Variants in PTCHD1 observed in about 807,000 individuals in gnomAD.
The protein encoded by PTCHD1 is patched domain-containing protein 1.
A neutral mutation model predicts 34.6 loss-of-function variants in PTCHD1; 3 were observed. The ratio of observed to expected loss-of-function variants is 0.09; its 90% confidence interval spans 0.04 to 0.22. PTCHD1 has a LOEUF of 0.22. Ranked by LOEUF, PTCHD1 falls within the 10% of genes least tolerant of loss-of-function variation. PTCHD1 has a pLI of 1.00. For missense variants in PTCHD1, 504 were observed against 685.5 expected (o/e 0.74, Z 2.96); for synonymous variants, 305 against 283.1 (o/e 1.08, Z -0.77).
intron 1 of PTCHD1, among the ~76,000 whole-genome samples, chrX:23,367,474 C>T (rs1922177049): frequency 8.9e-6 from 1 of 111,909 alleles, no homozygotes; most frequent in Non-Finnish European, 1.9e-5. Flanking sequence ...CATATCACTT[C>T]CAAAAGCCAC....
intron 2 of PTCHD1, among the ~76,000 whole-genome samples, chrX:23,385,471 G>A (rs12011888): frequency 0.07 from 7,745 of 110,641 alleles, 670 homozygotes; most frequent in African/African-American, 0.24. Context: ...AGGGAATGAG[G>A]GAGTGACAGA....
chrX:23,345,390 C>A (rs4828986), intron 1 of PTCHD1, among the ~76,000 whole-genome samples: 26,892 of 111,275 alleles, frequency 0.24, 2,749 homozygotes, highest in East Asian at 0.54. Flanking sequence ...TCCAGCAAGC[C>A]CCCAGGGATA....
In PTCHD1 at chrX:23,380,282, G is replaced by T. The variant is rs756967668; in HGVS notation, c.1012+31G>T. On this transcript the variant is annotated intron_variant, in intron 2 of 2. Transcript: ENST00000379361. ...TACTACTCTTCTTTCTTCTGTTTCC[G>T]CCTGCTGGTGGTGTTGACTAGGTTC... 9 of 1,169,372 alleles carry T rather than the reference G, an allele frequency of 7.7e-6. No homozygotes were observed. In the East Asian group the frequency reaches 2.7e-4, roughly 35 times the overall value.
chrX:23,379,562 A>G (rs1190424337), intron 1 of PTCHD1, 29 bp from the exon 2 acceptor site: 6 of 1,203,580 alleles, frequency 5.0e-6, no homozygotes, highest in Non-Finnish European at 6.8e-6. Flanking sequence ...TATTTGATTA[A>G]TAAATGCTGT....
chrX:23,368,098 T>A (rs1423269785), intron 1 of PTCHD1, among the ~76,000 whole-genome samples: 2 of 108,916 alleles, frequency 1.8e-5, no homozygotes, highest in African/African-American at 6.8e-5. Context: ...ATAGAAATTC[T>A]TACAATAGTC....
intron 1 of PTCHD1, among the ~76,000 whole-genome samples, chrX:23,368,687 C>A (rs900159467): frequency 6.2e-5 from 7 of 112,027 alleles, no homozygotes; most frequent in African/African-American, 2.3e-4. Flanking sequence ...ACCGCAAGCC[C>A]CTTTATACAA....
chrX:23,377,792 C>G (rs1476551962), intron 1 of PTCHD1, among the ~76,000 whole-genome samples: 16 of 111,238 alleles, frequency 1.4e-4, no homozygotes, highest in Non-Finnish European at 3.0e-4. Context: ...AGCTAGTGCC[C>G]CTCAGACATT....
rs1923017407 is a variant in PTCHD1 at position 23,397,439 on chromosome X, G to T, written c.*3254G>T. On this transcript the variant is annotated 3_prime_UTR_variant, in exon 3 of 3. Transcript: ENST00000379361. Reference sequence around the variant, plus strand: ...CAGAGAAAAAGGAAGACAAACCCTCGTGAAATGTTTCTCCATTGTTCCAGC... The same window carrying T: ...CAGAGAAAAAGGAAGACAAACCCTCTTGAAATGTTTCTCCATTGTTCCAGC... 1 of 112,361 alleles carries T rather than the reference G, an allele frequency of 8.9e-6. No individual in the cohort carries two copies. Among genetic ancestry groups the T allele is most frequent in the South Asian group, 3.7e-4 (1 of 2,724 alleles). 9.3% of individuals were successfully genotyped at this position (112,361 alleles called of 1,213,427 possible). A position where few individuals can be genotyped will look rare whatever the true frequency, so the allele number is the denominator to read the frequency against.
rs1384545193 is a variant in PTCHD1 at position 23,335,214 on chromosome X, C to T, written c.339C>T (p.Asp113=). ...ACATGCTGGACCAGCATCACACCGA[C>T]CTGATCTTAAAGGTGAGAGGGGACG... ...KANMLDQHHT[D]LILKLHAAVT... is the part of the protein sequence containing the mutation. Residue 113 remains aspartate (D), a synonymous_variant, in exon 1 of 3, where the codon GAC becomes GAT. Transcript: ENST00000379361. The T allele has an allele frequency of 2.5e-6, 3 of 1,207,936 alleles. No homozygotes were observed. The highest frequency in any genetic ancestry group is 3.4e-6 in the Non-Finnish European group (3 of 892,452).
At chrX:23,378,493 C>T (rs1486986908) in intron 1 of PTCHD1, among the ~76,000 whole-genome samples, 1 of 111,975 alleles carries the variant, frequency 8.9e-6, no homozygotes, top group Non-Finnish European at 1.9e-5. Context: ...AGGAGTGGGG[C>T]AGTAAAAGCA....
intron 1 of PTCHD1, among the ~76,000 whole-genome samples, chrX:23,371,905 T>C (rs1275028344): frequency 1.8e-5 from 2 of 111,594 alleles, no homozygotes; most frequent in South Asian, 3.8e-4. Context: ...CTCATTTGGC[T>C]TTCATCATGC....
At chrX:23,348,453 C>T (rs73205362) in intron 1 of PTCHD1, among the ~76,000 whole-genome samples, 62 of 110,990 alleles carry the variant, frequency 5.6e-4, no homozygotes, top group Non-Finnish European at 1.0e-3. Flanking sequence ...GCTCAAAGAA[C>T]ACCAAGACAG....
intron 2 of PTCHD1, among the ~76,000 whole-genome samples, chrX:23,383,086 G>A (rs1922604284): frequency 8.9e-6 from 1 of 112,323 alleles, no homozygotes; most frequent in Admixed American, 9.4e-5. Flanking sequence ...AAATGACCAA[G>A]AAGAAATGCA....
intron 1 of PTCHD1, among the ~76,000 whole-genome samples, chrX:23,338,208 C>T (rs1226217360): frequency 1.8e-5 from 2 of 111,748 alleles, no homozygotes; most frequent in Admixed American, 9.5e-5. Flanking sequence ...TGGGTAGGAC[C>T]TGGTGGTGCT....
intron 1 of PTCHD1, among the ~76,000 whole-genome samples, chrX:23,361,256 G>C (rs1480034917): frequency 9.0e-6 from 1 of 111,497 alleles, no homozygotes; most frequent in Non-Finnish European, 1.9e-5. Context: ...GGGTGTTAAA[G>C]TCTCCCATTA....
chrX:23,352,955 A>C (rs750170145), intron 1 of PTCHD1, among the ~76,000 whole-genome samples: 3 of 112,195 alleles, frequency 2.7e-5, no homozygotes, highest in African/African-American at 9.7e-5. Context: ...GCATGGTCTA[A>C]AGTGGGGCCC....
chrX:23,337,894 C>T (rs1305986446), intron 1 of PTCHD1, among the ~76,000 whole-genome samples: 1 of 110,418 alleles, frequency 9.1e-6, no homozygotes, highest in Non-Finnish European at 1.9e-5. Flanking sequence ...GGAGATCCTT[C>T]TTGGGATATT....
intron 1 of PTCHD1, among the ~76,000 whole-genome samples, chrX:23,359,439 GCT>G (rs1343006571): frequency 9.0e-6 from 1 of 111,501 alleles, no homozygotes; most frequent in Non-Finnish European, 1.9e-5. Flanking sequence ...TCATGATTTG[GCT>G]CTCTCTTTGT....
upstream of PTCHD1, chrX:23,334,646 C>G (rs1310091347): frequency 1.9e-5 from 2 of 106,557 alleles, no homozygotes; most frequent in Non-Finnish European, 3.9e-5. Flanking sequence ...CGGGAGGGCG[C>G]GGCCGCGGGC....
Sources: allele counts gnomAD v4.1 joint callset (sites outside exome capture counted in the v4.1 genomes callset), GRCh38; gene constraint gnomAD v4.1.1; transcripts MANE v1.5; gene names NCBI Gene and HGNC (gene_info 2026-07-23, HGNC 2026-07-21).